Variants in PCNT observed in about 807,000 individuals in gnomAD.
The protein encoded by PCNT is pericentrin.
In PCNT, 319 loss-of-function variants were observed where a neutral mutation model predicts 380.4. That is an observed-to-expected ratio of 0.84 (90% CI 0.77 to 0.92). The LOEUF is 0.92. Among genes scored for constraint, PCNT ranks in the 40% least tolerant of loss-of-function variants. PCNT has a pLI of 0.00. For synonymous variants in PCNT, 1,845 were observed against 1,735.2 expected (o/e 1.06, Z -1.57); for missense variants, 4,400 against 4,255.3 (o/e 1.03, Z -0.95).
intron 24 of PCNT, among the ~76,000 whole-genome samples, chr21:46,398,466 C>T (rs957588034): frequency 2.0e-5 from 3 of 152,250 alleles, no homozygotes; most frequent in Non-Finnish European, 4.4e-5. Flanking sequence ...AGGTAAGACT[C>T]GGATCCCTCG....
intron 40 of PCNT, among the ~76,000 whole-genome samples, chr21:46,437,677 C>G (rs1173259121): frequency 6.6e-6 from 1 of 152,176 alleles, no homozygotes; most frequent in Non-Finnish European, 1.5e-5. Flanking sequence ...TGACTTTGAT[C>G]GTGGAGCCCA....
At chr21:46,345,833 C>T (rs886468885) in intron 3 of PCNT, among the ~76,000 whole-genome samples, 23 of 152,216 alleles carry the variant, frequency 1.5e-4, no homozygotes, top group South Asian at 4.1e-4. Context: ...CCTCACCATA[C>T]GTGGCCTTCT....
chr21:46,435,234 G>GT (rs1032414240), intron 38 of PCNT, among the ~76,000 whole-genome samples: 175 of 151,852 alleles, frequency 1.2e-3, no homozygotes, highest in African/African-American at 3.7e-3. Context: ...TTTTGGTTTG[G>GT]TTTTTTTTGG....
chr21:46,439,336 C>T (rs1267412807), intron 41 of PCNT, among the ~76,000 whole-genome samples: 1 of 152,086 alleles, frequency 6.6e-6, no homozygotes, highest in African/African-American at 2.4e-5. Flanking sequence ...GCTTTTTTCA[C>T]TTTTTGGGTT....
chr21:46,363,419 C>G, intron 13 of PCNT, 61 bp from the exon 14 acceptor site: 1 of 1,400,446 alleles, frequency 7.1e-7, no homozygotes, highest in Non-Finnish European at 1.0e-6. Context: ...TTTGGGTTGT[C>G]TCTTCTAATA....
At chr21:46,384,676 A>G (rs1292613342) in intron 16 of PCNT, among the ~76,000 whole-genome samples, 1 of 151,444 alleles carries the variant, frequency 6.6e-6, no homozygotes, top group Non-Finnish European at 1.5e-5. Flanking sequence ...TGCATAGTTC[A>G]GTGGCAGAAG....
At chr21:46,390,062 G>A (rs1051251424) in intron 19 of PCNT, among the ~76,000 whole-genome samples, 3 of 152,264 alleles carry the variant, frequency 2.0e-5, no homozygotes, top group Admixed American at 6.5e-5. Flanking sequence ...CAACCCATCC[G>A]GAGGGTCTTC....
intron 21 of PCNT, among the ~76,000 whole-genome samples, chr21:46,391,734 A>G (rs1057337481): frequency 1.3e-5 from 2 of 152,250 alleles, no homozygotes; most frequent in Non-Finnish European, 2.9e-5. Context: ...CAAGTGCCTG[A>G]TATTAACCCT....
At chr21:46,396,142 T>C (rs896625378) in intron 21 of PCNT, among the ~76,000 whole-genome samples, 12 of 152,256 alleles carry the variant, frequency 7.9e-5, no homozygotes, top group Admixed American at 7.9e-4. Context: ...AGAGAGCCCC[T>C]TTTTCCAAGA....
rs73907494 is a variant in PCNT, at chr21:46,397,679, G to A, written c.4446+185G>A. Among the ~76,000 whole-genome samples the A allele has an allele frequency of 0.047, 7,110 of 152,138 alleles. 524 individuals carry two copies. Among genetic ancestry groups the A allele is most frequent in the African/African-American group, 0.16 (6,599 of 41,496 alleles). The stretch of plus-strand genomic sequence containing the variant: ...TGTCTTCTTGCCCACATGTTGTGGC[G>A]CAGCCCTCTGAGGGCCACCTCCCAT... On this transcript the variant is annotated intron_variant, in intron 22 of 46. Transcript: ENST00000359568.
intron 7 of PCNT, 56 bp downstream of exon 7, chr21:46,349,242 T>C (rs1243685613): frequency 1.5e-6 from 2 of 1,362,586 alleles, no homozygotes; most frequent in African/African-American, 1.4e-5. Context: ...TAGGTAGTAC[T>C]GGAAGGAATG....
rs754463655 is a variant in PCNT at position 46,326,468 on chromosome 21, C to T, written c.146C>T (p.Ser49Phe). The change falls in exon 2 of 47, where the codon TCT (serine) becomes TTT (phenylalanine). Residue 49 changes from serine to phenylalanine, a missense_variant. Physicochemically the swap from Ser to Phe is radical, Grantham distance 155 (BLOSUM62 -2). Transcript: ENST00000359568. Reference sequence around the variant, plus strand: ...AGGAAGGGCTCGGCTGTCGATGCGTCTGTCCAGGAGGAGAGTCCGGTAACC... The same window carrying T: ...AGGAAGGGCTCGGCTGTCGATGCGTTTGTCCAGGAGGAGAGTCCGGTAACC... ...AKRKGSAVDA[S>F]VQEESPVTKE... The T allele has an allele frequency of 1.9e-6, 3 of 1,614,236 alleles. No individual in the cohort carries two copies. Among genetic ancestry groups the T allele is most frequent in the East Asian group, 2.2e-5 (1 of 44,892 alleles).
intron 30 of PCNT, among the ~76,000 whole-genome samples, chr21:46,417,184 CTTTTTTTTT>C (rs71318076): frequency 1.4e-5 from 1 of 73,302 alleles, no homozygotes; most frequent in African/African-American, 4.9e-5. Context: ...GGAATGCTTC[CTTTTTTTTT>C]TTTTTTTTTT....
intron 3 of PCNT, among the ~76,000 whole-genome samples, chr21:46,342,060 G>T (rs916887520): frequency 6.6e-6 from 1 of 151,662 alleles, no homozygotes. Flanking sequence ...TCATGCCTCA[G>T]CCTCCTGAGG....
At chr21:46,383,601 G>A (rs2085682133) in intron 16 of PCNT, among the ~76,000 whole-genome samples, 2 of 143,286 alleles carry the variant, frequency 1.4e-5, no homozygotes, top group Non-Finnish European at 3.0e-5. Flanking sequence ...AGCAGCGGAA[G>A]CGCATTCATG....
At chr21:46,346,268 AGT>A in intron 4 of PCNT, 60 bp downstream of exon 4, 1 of 776,124 alleles carries the variant, frequency 1.3e-6, no homozygotes, top group Non-Finnish European at 2.2e-6. Flanking sequence ...CACAGGGCAC[AGT>A]GGGCATCCGG....
intron 2 of PCNT, among the ~76,000 whole-genome samples, chr21:46,328,033 C>A (rs11911663): frequency 0.014 from 2,131 of 152,264 alleles, 59 homozygotes; most frequent in African/African-American, 0.049. Flanking sequence ...TGTTGAGTGT[C>A]CCTGCTGCTG....
chr21:46,429,621 C>T (rs569408562), intron 35 of PCNT, among the ~76,000 whole-genome samples: 1 of 152,296 alleles, frequency 6.6e-6, no homozygotes, highest in East Asian at 1.9e-4. Context: ...AGCCCCTCCG[C>T]CCTCCGTTGT....
chr21:46,371,206 C>CT (rs1244184920), intron 15 of PCNT, among the ~76,000 whole-genome samples: 117 of 123,738 alleles, frequency 9.5e-4, no homozygotes, highest in African/African-American at 1.9e-3. Context: ...GGTTTATTTT[C>CT]TTTCTTTCTT....
Sources: allele counts gnomAD v4.1 joint callset (sites outside exome capture counted in the v4.1 genomes callset), GRCh38; gene constraint gnomAD v4.1.1; transcripts MANE v1.5; gene names NCBI Gene and HGNC (gene_info 2026-07-23, HGNC 2026-07-21).